Variants in PCDHA2 observed in about 807,000 individuals in gnomAD.
PCDHA2 encodes the protein protocadherin alpha-2.
PCDHA2 carries 58 observed loss-of-function variants against 66.0 expected under a neutral mutation model. The ratio of observed to expected loss-of-function variants is 0.88; its 90% CI spans 0.71 to 1.09. PCDHA2 has a LOEUF of 1.09. Ranked by LOEUF, PCDHA2 falls within the 50% of genes least tolerant of loss-of-function variation. PCDHA2 has a pLI of 0.00. For synonymous variants in PCDHA2, 634 were observed against 554.0 expected (o/e 1.14, Z -2.03); for missense variants, 1,267 against 1,242.3 (o/e 1.02, Z -0.30).
intron 1 of PCDHA2, chr5:140,829,291 C>T (rs1224318047): frequency 9.3e-6 from 15 of 1,614,130 alleles, no homozygotes; most frequent in Middle Eastern, 1.6e-4. Context: ...TGGTGTCCAC[C>T]TTCAAGAATT....
chr5:140,836,909 C>T (rs1173581620), intron 1 of PCDHA2: 1 of 579,626 alleles, frequency 1.7e-6, no homozygotes, highest in Non-Finnish European at 2.9e-6. Context: ...TTAATATACA[C>T]TTTTGTTTTG....
intron 1 of PCDHA2, among the ~76,000 whole-genome samples, chr5:140,949,542 T>G (rs1418281515): frequency 6.6e-6 from 1 of 151,916 alleles, no homozygotes; most frequent in East Asian, 1.9e-4. Context: ...AATATCGATT[T>G]GTTGCTGGTC....
chr5:140,840,576 A>C (rs1264610441), intron 1 of PCDHA2, among the ~76,000 whole-genome samples: 1 of 152,090 alleles, frequency 6.6e-6, no homozygotes, highest in African/African-American at 2.4e-5. Flanking sequence ...GGCATGTCAG[A>C]GAAATCATAA....
intron 1 of PCDHA2, chr5:140,835,965 C>T: frequency 1.2e-6 from 2 of 1,613,194 alleles, no homozygotes; most frequent in Non-Finnish European, 1.7e-6. Flanking sequence ...CCACGAGGAG[C>T]TGGAGCTGTT....
chr5:140,877,276 G>C, intron 1 of PCDHA2: 2 of 1,613,862 alleles, frequency 1.2e-6, no homozygotes, highest in Non-Finnish European at 1.7e-6. Flanking sequence ...CGCTGACTCC[G>C]GCTATAACGC....
chr5:140,887,224 G>A (rs1554182948), intron 1 of PCDHA2, among the ~76,000 whole-genome samples: 1 of 151,812 alleles, frequency 6.6e-6, no homozygotes, highest in Non-Finnish European at 1.5e-5. Context: ...AGCCTCCCGA[G>A]TAGCTGAGAC....
intron 1 of PCDHA2, among the ~76,000 whole-genome samples, chr5:140,826,648 C>G (rs1181948430): frequency 1.3e-5 from 2 of 152,006 alleles, no homozygotes; most frequent in African/African-American, 4.8e-5. Context: ...ATGAAGGTAA[C>G]ATTTTTGCAA....
chr5:141,000,894 ATAGACGCT>A (rs1348330251), intron 3 of PCDHA2, among the ~76,000 whole-genome samples: 1 of 152,128 alleles, frequency 6.6e-6, no homozygotes, highest in African/African-American at 2.4e-5. Context: ...GGCAACAGAT[ATAGACGCT>A]GTCTCTAAAA....
At chr5:140,845,700 G>T (rs994276971) in intron 1 of PCDHA2, among the ~76,000 whole-genome samples, 1 of 149,282 alleles carries the variant, frequency 6.7e-6, no homozygotes, top group African/African-American at 2.5e-5. Context: ...CAGTTCCTTG[G>T]CATTATATGT....
At chr5:140,816,096 C>T (rs1025590199) in intron 1 of PCDHA2, 1 of 152,092 alleles carries the variant, frequency 6.6e-6, no homozygotes, top group African/African-American at 2.4e-5. Flanking sequence ...GCTGTCTGTC[C>T]TTTTCTCTTA....
chr5:140,823,862 A>G (rs2150129786), intron 1 of PCDHA2: 2 of 1,613,814 alleles, frequency 1.2e-6, no homozygotes, highest in Admixed American at 3.3e-5. Flanking sequence ...GTGGATGTCA[A>G]CGTGTACCTG....
chr5:141,009,595 C>G (rs781807814), intron 3 of PCDHA2, 32 bp from the exon 4 acceptor site: 1 of 1,604,124 alleles, frequency 6.2e-7, no homozygotes, highest in Non-Finnish European at 8.5e-7. Flanking sequence ...TGTGTTGACC[C>G]TGTTAATGAT....
intron 1 of PCDHA2, chr5:140,805,725 C>T (rs1379153167): frequency 2.1e-6 from 1 of 468,292 alleles, no homozygotes; most frequent in Non-Finnish European, 2.8e-6. Context: ...AAGCTAAAAC[C>T]CAAGTTTTCA....
In PCDHA2 at chr5:141,010,048, C is replaced by T; in HGVS notation, c.*111C>T. 4 of 1,597,434 alleles carry T rather than the reference C, an allele frequency of 2.5e-6. No homozygotes were observed. The highest frequency in any genetic ancestry group is 3.4e-6 in the Non-Finnish European group (4 of 1,172,252). Reference sequence around the variant, plus strand: ...CTATCTACATGAGCCCTCTTAGAGACCTCAGAAATCTGCAGAAAGTTCCCT... The same window carrying T: ...CTATCTACATGAGCCCTCTTAGAGATCTCAGAAATCTGCAGAAAGTTCCCT... On this transcript the variant is annotated 3_prime_UTR_variant, in exon 4 of 4. Coordinates refer to ENST00000526136, the MANE Select transcript of PCDHA2 (RefSeq NM_018905.3).
At chr5:140,915,690 T>G (rs1330039439) in intron 1 of PCDHA2, among the ~76,000 whole-genome samples, 1 of 151,558 alleles carries the variant, frequency 6.6e-6, no homozygotes, top group African/African-American at 2.4e-5. Context: ...AGGGGTATGG[T>G]GATGCAAGCA....
intron 1 of PCDHA2, chr5:140,855,886 A>C: frequency 1.0e-6 from 1 of 980,916 alleles, no homozygotes; most frequent in Non-Finnish European, 1.5e-6. Context: ...GCTTTTTAGA[A>C]CAAAGGCATC....
chr5:140,870,627 G>C, intron 1 of PCDHA2: 4 of 1,613,028 alleles, frequency 2.5e-6, no homozygotes, highest in Non-Finnish European at 3.4e-6. Context: ...GCTACGTGTC[G>C]GTGCACGCGG....
At chr5:140,997,206 T>A (rs2097763489) in intron 3 of PCDHA2, among the ~76,000 whole-genome samples, 1 of 152,118 alleles carries the variant, frequency 6.6e-6, no homozygotes, top group Non-Finnish European at 1.5e-5. Context: ...ATTGACATCA[T>A]TATTGAAACT....
chr5:140,803,038 G>T lies in PCDHA2; in HGVS notation c.2388+5686G>T, dbSNP rs1554122539. ...TGGCTTTCGTATGAGCTGCAGCCTG[G>T]GACCGGCGGTGCGCGCATCCCGTTT... On this transcript the variant is annotated intron_variant, in intron 1 of 3. Transcript: ENST00000526136. 6.2e-7 allele frequency: 1 copy of T among 1,614,052 alleles called. No individual in the cohort carries two copies. Among genetic ancestry groups the T allele is most frequent in the Admixed American group, 1.7e-5 (1 of 60,036 alleles).
Sources: allele counts gnomAD v4.1 joint callset (sites outside exome capture counted in the v4.1 genomes callset), GRCh38; gene constraint gnomAD v4.1.1; transcripts MANE v1.5; gene names NCBI Gene and HGNC (gene_info 2026-07-23, HGNC 2026-07-21).